CSGALNACT1: variants seen among roughly 807,000 people sequenced by gnomAD.
CSGALNACT1 encodes chondroitin sulfate N-acetylgalactosaminyltransferase 1.
In CSGALNACT1, 52 loss-of-function variants were observed where a neutral mutation model predicts 51.0. The observed-to-expected ratio is 1.02, with a 90% CI of 0.82 to 1.29. The LOEUF (loss-of-function observed/expected upper bound fraction) is 1.29, where lower values mean the gene tolerates loss of function less well. CSGALNACT1 is among the 50% of genes most tolerant of loss of function. The probability of loss-of-function intolerance (pLI) is 0.00; values close to 1 mark genes in which losing one functional copy is unlikely to be tolerated. For synonymous variants in CSGALNACT1, 341 were observed against 254.4 expected, an observed-to-expected ratio of 1.34 and a Z score of -3.24; for missense variants, 935 against 679.2, an observed-to-expected ratio of 1.38 and a Z score of -4.19.
chr8:19,495,169 A>C (rs977390158), intron 4 of CSGALNACT1: 4 of 152,138 alleles, frequency 2.6e-5, no homozygotes, highest in Admixed American at 2.6e-4. Flanking sequence ...AAATAACCTC[A>C]TCAGGGCCAT....
intron 1 of CSGALNACT1, among the ~76,000 whole-genome samples, chr8:19,633,164 G>A (rs1328060998): frequency 6.6e-6 from 1 of 152,062 alleles, no homozygotes; most frequent in Non-Finnish European, 1.5e-5. Context: ...TCTGGCACAG[G>A]AGGTACTTGA....
intron 1 of CSGALNACT1, among the ~76,000 whole-genome samples, chr8:19,689,812 AAAG>A (rs1690560043): frequency 6.6e-6 from 1 of 152,238 alleles, no homozygotes; most frequent in South Asian, 2.1e-4. Flanking sequence ...GTTTTAGCAT[AAAG>A]AAGTCCCCTG....
chr8:19,680,365 G>A (rs538524495), intron 1 of CSGALNACT1, among the ~76,000 whole-genome samples: 1 of 152,290 alleles, frequency 6.6e-6, no homozygotes, highest in Non-Finnish European at 1.5e-5. Context: ...AGACCAGCCT[G>A]GCCAACGTGG....
chr8:19,717,271 AC>A (rs756739848), intron 1 of CSGALNACT1, among the ~76,000 whole-genome samples: 1 of 152,170 alleles, frequency 6.6e-6, no homozygotes, highest in African/African-American at 2.4e-5. Flanking sequence ...ATTATCATTA[AC>A]CTCGTGTGAC....
intron 3 of CSGALNACT1, among the ~76,000 whole-genome samples, chr8:19,570,856 C>T (rs947220594): frequency 7.9e-5 from 12 of 152,098 alleles, no homozygotes; most frequent in African/African-American, 1.9e-4. Flanking sequence ...TGCAGTGAGC[C>T]GAGATCACGC....
upstream of CSGALNACT1, among the ~76,000 whole-genome samples, chr8:19,605,986 C>A (rs2051313732): frequency 6.6e-6 from 1 of 152,028 alleles, no homozygotes; most frequent in Non-Finnish European, 1.5e-5. Flanking sequence ...CACAATGGAC[C>A]CAATGGTGTG....
chr8:19,425,807 C>G (rs1020812493), intron 6 of CSGALNACT1, among the ~76,000 whole-genome samples: 3 of 152,176 alleles, frequency 2.0e-5, no homozygotes, highest in Non-Finnish European at 4.4e-5. Flanking sequence ...GCTGGGGCAT[C>G]CTATCTTCTC....
rs138342294 is a variant in CSGALNACT1 at position 19,417,284 on chromosome 8, G to A, written c.1227+1372C>T. ...AATTCCACTAGGGGAAAAGAGAACT[G>A]TATTATTAGTAAACCTGGTGCACCC... On this transcript the variant is annotated intron_variant, in intron 8 of 9. Coordinates refer to ENST00000454498, the Ensembl canonical transcript of CSGALNACT1. Among the ~76,000 whole-genome samples the A allele has an allele frequency of 2.6e-5, 4 of 152,302 alleles. No homozygotes were observed. The East Asian group carries it at 7.7e-4, about 29-fold the overall frequency.
chr8:19,609,905 G>A (rs1016833215), intron 1 of CSGALNACT1, among the ~76,000 whole-genome samples: 1 of 152,106 alleles, frequency 6.6e-6, no homozygotes, highest in African/African-American at 2.4e-5. Context: ...TGCTGGGACG[G>A]GAGGAGCATG....
At chr8:19,683,541 C>T (rs967101643), upstream of CSGALNACT1, among the ~76,000 whole-genome samples, 7 of 152,062 alleles carry the variant, frequency 4.6e-5, no homozygotes, top group Non-Finnish European at 1.0e-4. Flanking sequence ...CAGTCCCTTT[C>T]GTAACTGATA....
intron 4 of CSGALNACT1, among the ~76,000 whole-genome samples, chr8:19,496,784 A>C (rs2075553879): frequency 6.6e-6 from 1 of 152,196 alleles, no homozygotes; most frequent in South Asian, 2.1e-4. Context: ...AGCAAGGCTC[A>C]GTGCAGATGA....
chr8:19,444,962 C>T (rs369502905), intron 5 of CSGALNACT1, among the ~76,000 whole-genome samples: 6 of 152,274 alleles, frequency 3.9e-5, no homozygotes, highest in South Asian at 2.1e-4. Context: ...CCAGGCAAGA[C>T]GCATGCAGGG....
chr8:19,424,724 G>T (rs540223857), intron 6 of CSGALNACT1, among the ~76,000 whole-genome samples: 44 of 152,284 alleles, frequency 2.9e-4, no homozygotes, highest in Admixed American at 2.5e-3. Flanking sequence ...CACTAGACTA[G>T]AGTGCCCCCT....
At chr8:19,515,893 G>T (rs536733067) in intron 3 of CSGALNACT1, among the ~76,000 whole-genome samples, 1 of 152,110 alleles carries the variant, frequency 6.6e-6, no homozygotes, top group African/African-American at 2.4e-5. Flanking sequence ...ACCCCAGAAG[G>T]TGCAATGAGG....
intron 3 of CSGALNACT1, among the ~76,000 whole-genome samples, chr8:19,582,558 C>T (rs4298501): frequency 0.5 from 75,545 of 151,900 alleles, 20,699 homozygotes; most frequent in East Asian, 0.96. Context: ...GTAATTCAAT[C>T]CACCCTGTCA....
chr8:19,612,981 G>C (rs1182811862), intron 1 of CSGALNACT1, among the ~76,000 whole-genome samples: 1 of 20,286 alleles, frequency 4.9e-5, no homozygotes, highest in African/African-American at 1.6e-4. Context: ...AAAAAAAAAA[G>C]CACAGCTGAC....
At chr8:19,637,161 G>A (rs2056183597) in intron 1 of CSGALNACT1, among the ~76,000 whole-genome samples, 1 of 152,052 alleles carries the variant, frequency 6.6e-6, no homozygotes. Flanking sequence ...AGTGGAGATC[G>A]CACCATTGCA....
chr8:19,533,498 T>C (rs1050405774), intron 3 of CSGALNACT1, among the ~76,000 whole-genome samples: 10 of 152,168 alleles, frequency 6.6e-5, no homozygotes, highest in Non-Finnish European at 1.2e-4. Context: ...CCAAGACTTA[T>C]CAATATCAAA....
intron 3 of CSGALNACT1, among the ~76,000 whole-genome samples, chr8:19,546,731 A>G (rs1588138850): frequency 6.6e-6 from 1 of 152,198 alleles, no homozygotes; most frequent in Non-Finnish European, 1.5e-5. Flanking sequence ...GTAATAAACA[A>G]AAACCTATAT....
Sources: gnomAD v4.1 joint callset for allele counts (sites outside exome capture counted in the v4.1 genomes callset) on GRCh38, gnomAD v4.1.1 for gene constraint, MANE v1.5 for transcripts, NCBI Gene and HGNC (gene_info 2026-07-23, HGNC 2026-07-21) for gene names.